The following MGAT5 variants were observed in gnomAD, a reference collection of about 807,000 sequenced individuals.
MGAT5 encodes alpha-1,6-mannosylglycoprotein 6-beta-N-acetylglucosaminyltransferase.
In MGAT5, 30 loss-of-function variants were observed where a neutral mutation model predicts 94.3. The ratio of observed to expected loss-of-function variants is 0.32; its 90% CI spans 0.24 to 0.43. The LOEUF (loss-of-function observed/expected upper bound fraction) is 0.43, where lower values mean the gene tolerates loss of function less well. Ranked by LOEUF, MGAT5 falls within the 20% of genes least tolerant of loss-of-function variation. The pLI is 1.00. For synonymous variants in MGAT5, 310 were observed against 322.9 expected (o/e 0.96, Z 0.43); for missense variants, 691 against 905.5 (o/e 0.76, Z 3.04).
intron 10 of MGAT5, among the ~76,000 whole-genome samples, chr2:134,380,812 A>G (rs1681490951): frequency 6.6e-6 from 1 of 152,216 alleles, no homozygotes; most frequent in African/African-American, 2.4e-5. Flanking sequence ...TCATTCATTG[A>G]CAGTACATAC....
intron 3 of MGAT5, 54 bp from the exon 4 acceptor site, chr2:134,318,596 G>A: frequency 1.5e-6 from 2 of 1,295,546 alleles, no homozygotes; most frequent in African/African-American, 1.5e-5. Context: ...TTCCCTGTCA[G>A]CAGATGTGGA....
chr2:134,270,590 C>G, intron 2 of MGAT5, 40 bp downstream of exon 2: 2 of 1,602,366 alleles, frequency 1.2e-6, no homozygotes, highest in Non-Finnish European at 1.7e-6. Flanking sequence ...GGAGTCACAC[C>G]CTGCTTTGGA....
At chr2:134,139,274 T>C (rs1174477999) in intron 1 of MGAT5, among the ~76,000 whole-genome samples, 1 of 152,244 alleles carries the variant, frequency 6.6e-6, no homozygotes, top group African/African-American at 2.4e-5. Flanking sequence ...GAATCTCATA[T>C]CCAGGGCAAA....
chr2:134,410,826 C>T (rs923564158), intron 11 of MGAT5, among the ~76,000 whole-genome samples: 4 of 152,210 alleles, frequency 2.6e-5, no homozygotes, highest in Non-Finnish European at 5.9e-5. Context: ...TCAGGAGGCA[C>T]TGTGGGTTCT....
At chr2:134,239,013 T>G (rs1440646156) in intron 1 of MGAT5, among the ~76,000 whole-genome samples, 1 of 152,180 alleles carries the variant, frequency 6.6e-6, no homozygotes, top group African/African-American at 2.4e-5. Context: ...TTTATTTTTG[T>G]TTTGAGACAG....
chr2:134,179,826 G>C (rs1688652260), intron 1 of MGAT5, among the ~76,000 whole-genome samples: 1 of 152,186 alleles, frequency 6.6e-6, no homozygotes, highest in African/African-American at 2.4e-5. Flanking sequence ...GGCATTCTTA[G>C]TTCACAGGAT....
chr2:134,157,695 T>G (rs540888300), intron 1 of MGAT5, among the ~76,000 whole-genome samples: 1 of 152,122 alleles, frequency 6.6e-6, no homozygotes, highest in East Asian at 1.9e-4. Context: ...CTCACCATAA[T>G]GTAGAATCAG....
intron 1 of MGAT5, among the ~76,000 whole-genome samples, chr2:134,166,757 CT>C (rs1339841205): frequency 6.6e-6 from 1 of 152,146 alleles, no homozygotes; most frequent in South Asian, 2.1e-4. Flanking sequence ...ATGTTTCCTA[CT>C]TTGGTAATTA....
rs1289904385 is a variant in MGAT5 at position 134,254,249 on chromosome 2, T to A, written c.-155T>A. The A allele has an allele frequency of 2.3e-6, 2 of 857,322 alleles. No homozygotes were observed. Among genetic ancestry groups the A allele is most frequent in the East Asian group, 5.2e-5 (2 of 38,224 alleles). The allele number at this position is 857,322 out of a possible 1,614,324, so 53.1% of individuals were successfully genotyped here. A position where few individuals can be genotyped will look rare whatever the true frequency, so the allele number is the denominator to read the frequency against. On this transcript the variant is annotated 5_prime_UTR_variant, in exon 1 of 16. Transcript: ENST00000281923. ...GCCATGACCACTTGGCTAATTCTTC[T>A]CCTCCTTCACAGCAGAATGGAAGTG...
upstream of MGAT5, among the ~76,000 whole-genome samples, chr2:134,253,694 C>G (rs775732666): frequency 7.2e-5 from 11 of 152,148 alleles, no homozygotes; most frequent in Non-Finnish European, 1.5e-4. Context: ...GAGAGGTTGC[C>G]TGGTGGCCCT....
chr2:134,143,537 C>T (rs995093914), intron 1 of MGAT5, among the ~76,000 whole-genome samples: 8 of 152,080 alleles, frequency 5.3e-5, no homozygotes, highest in Admixed American at 1.3e-4. Context: ...CCGCGCTCGG[C>T]GCATCCTGGA....
chr2:134,382,553 A>C (rs1225535898), intron 10 of MGAT5, among the ~76,000 whole-genome samples: 2 of 152,200 alleles, frequency 1.3e-5, no homozygotes, highest in African/African-American at 4.8e-5. Context: ...GAACACGAGT[A>C]TTCTAGGTGA....
At chr2:134,196,289 A>G (rs1347691081) in intron 1 of MGAT5, among the ~76,000 whole-genome samples, 2 of 152,018 alleles carry the variant, frequency 1.3e-5, no homozygotes, top group Non-Finnish European at 2.9e-5. Context: ...GTTTGAAAGT[A>G]TATTTTTCCC....
chr2:134,245,825 G>C (rs535388314), intron 1 of MGAT5, among the ~76,000 whole-genome samples: 5 of 152,186 alleles, frequency 3.3e-5, no homozygotes, highest in Non-Finnish European at 7.3e-5. Flanking sequence ...ATTGATGCCA[G>C]ATATGGAGCC....
At chr2:134,430,813 A>C (rs1266992874) in intron 14 of MGAT5, among the ~76,000 whole-genome samples, 1 of 152,050 alleles carries the variant, frequency 6.6e-6, no homozygotes, top group African/African-American at 2.4e-5. Flanking sequence ...TCAGTTGGGG[A>C]GGACAATAGC....
Position 134,349,941 on chromosome 2 carries a change from G to A in MGAT5, c.1246+3G>A. 6.2e-7 allele frequency: 1 copy of A among 1,613,232 alleles called. No individual in the cohort carries two copies. The highest frequency in any genetic ancestry group is 1.1e-5 in the South Asian group (1 of 91,034). ...TCAGCAGTTTTATACCATGTTCCGT[G>A]AGTATTCCTGTTTCATGTATGCTTT... On this transcript the variant is annotated splice_donor_region_variant and intron_variant, in intron 9 of 15. Coordinates refer to ENST00000281923, the MANE Select transcript of MGAT5 (RefSeq NM_002410.5).
chr2:134,153,474 T>G (rs1466446385), intron 1 of MGAT5, among the ~76,000 whole-genome samples: 1 of 152,198 alleles, frequency 6.6e-6, no homozygotes, highest in African/African-American at 2.4e-5. Context: ...CAAGAACTGA[T>G]TTCCCTGGAG....
At chr2:134,239,059 C>T (rs1018515848) in intron 1 of MGAT5, among the ~76,000 whole-genome samples, 3 of 152,160 alleles carry the variant, frequency 2.0e-5, no homozygotes, top group Admixed American at 6.5e-5. Context: ...AGTGCAGTGG[C>T]GCCATCTCAC....
Position 134,181,766 on chromosome 2 carries a change from A to G in MGAT5, c.-143+61475A>G, listed in dbSNP as rs905570529. 1.6e-4 allele frequency among the ~76,000 whole-genome samples: 24 copies of G among 152,298 alleles called. No homozygotes were observed. The Middle Eastern group carries it at 0.014, about 86-fold the overall frequency. On this transcript the variant is annotated intron_variant, in intron 1 of 16. Transcript: ENST00000409645. The stretch of plus-strand genomic sequence containing the variant: ...ATGCCACATGAAAGCTAATTTGGAG[A>G]ACTCCCTATTACACAGTTGGTCCCA...
Sources: gnomAD v4.1 joint callset for allele counts (sites outside exome capture counted in the v4.1 genomes callset) on GRCh38, gnomAD v4.1.1 for gene constraint, MANE v1.5 for transcripts, NCBI Gene and HGNC (gene_info 2026-07-23, HGNC 2026-07-21) for gene names.